Variants in SLC24A3 observed in about 807,000 individuals in gnomAD.
SLC24A3 encodes sodium/potassium/calcium exchanger 3.
Under a neutral mutation model 75.8 loss-of-function variants are expected in SLC24A3, and 28 were observed. That is an observed-to-expected ratio of 0.37 (90% CI 0.27 to 0.51). The LOEUF (loss-of-function observed/expected upper bound fraction) is 0.51. SLC24A3 is among the 20% of genes least tolerant of loss of function. The pLI, the probability that SLC24A3 is intolerant of heterozygous loss-of-function variation, is 0.94. For missense variants in SLC24A3, 663 were observed against 847.8 expected (o/e 0.78, Z 2.71); for synonymous variants, 372 against 334.1 (o/e 1.11, Z -1.24).
chr20:19,674,720 A>G (rs1272055193), intron 9 of SLC24A3, among the ~76,000 whole-genome samples: 2 of 152,234 alleles, frequency 1.3e-5, no homozygotes, highest in African/African-American at 4.8e-5. Context: ...ATGTTATGAC[A>G]TATGTTCTTT....
At chr20:19,448,219 C>G (rs995569636) in intron 2 of SLC24A3, among the ~76,000 whole-genome samples, 2 of 152,252 alleles carry the variant, frequency 1.3e-5, no homozygotes, top group East Asian at 3.9e-4. Flanking sequence ...AGACACAGTG[C>G]TGGACCCCAT....
chr20:19,720,878 G>C, intron 16 of SLC24A3, 113 bp from the exon 17 acceptor site: 1 of 1,216,270 alleles, frequency 8.2e-7, no homozygotes, highest in Non-Finnish European at 1.1e-6. Flanking sequence ...TCAGCACCCT[G>C]CCCGAGGCCC....
chr20:19,417,991 T>C (rs1986855546), intron 2 of SLC24A3, among the ~76,000 whole-genome samples: 1 of 152,178 alleles, frequency 6.6e-6, no homozygotes, highest in African/African-American at 2.4e-5. Context: ...ATGTTGACAT[T>C]GGAGGTCCCC....
intron 6 of SLC24A3, among the ~76,000 whole-genome samples, chr20:19,624,783 G>C (rs2122680016): frequency 6.6e-6 from 1 of 152,336 alleles, no homozygotes; most frequent in East Asian, 1.9e-4. Flanking sequence ...GAAGTGAGCA[G>C]GCAGTCAGTC....
chr20:19,606,052 G>A (rs2031593078), intron 6 of SLC24A3, among the ~76,000 whole-genome samples: 1 of 152,216 alleles, frequency 6.6e-6, no homozygotes, highest in Non-Finnish European at 1.5e-5. Context: ...GCCAGCATGA[G>A]CAGCAAAGCA....
chr20:19,222,406 CTTG>C (rs1434206779), intron 1 of SLC24A3, among the ~76,000 whole-genome samples: 3 of 152,082 alleles, frequency 2.0e-5, no homozygotes, highest in African/African-American at 7.2e-5. Context: ...AAAGGAGGGT[CTTG>C]TTGATTGTAT....
intron 2 of SLC24A3, among the ~76,000 whole-genome samples, chr20:19,428,602 G>A (rs1987051747): frequency 6.6e-6 from 1 of 152,244 alleles, no homozygotes. Context: ...AATTGCTCAT[G>A]TGAGTTCTCT....
At chr20:19,637,442 T>C (rs1306593180) in intron 6 of SLC24A3, among the ~76,000 whole-genome samples, 2 of 152,264 alleles carry the variant, frequency 1.3e-5, no homozygotes, top group Non-Finnish European at 2.9e-5. Context: ...TTTTTAAAGA[T>C]GATGTTTCAG....
intron 2 of SLC24A3, among the ~76,000 whole-genome samples, chr20:19,319,999 C>G (rs1568588074): frequency 6.6e-6 from 1 of 152,206 alleles, no homozygotes; most frequent in East Asian, 1.9e-4. Flanking sequence ...TAGACCTGCT[C>G]TACTTCTCAG....
At chr20:19,581,833 G>A (rs1472420298) in intron 4 of SLC24A3, among the ~76,000 whole-genome samples, 2 of 152,194 alleles carry the variant, frequency 1.3e-5, no homozygotes, top group Non-Finnish European at 2.9e-5. Context: ...AGACGAGCCT[G>A]GACCAGGTCA....
chr20:19,688,764 A>C (rs1394651225), intron 12 of SLC24A3, among the ~76,000 whole-genome samples: 1 of 152,244 alleles, frequency 6.6e-6, no homozygotes, highest in Non-Finnish European at 1.5e-5. Flanking sequence ...TTACCAAGAA[A>C]GTAATTATTT....
chr20:19,681,960 C>T lies in SLC24A3; in HGVS notation c.870C>T (p.Asn290=). Reference sequence around the variant, plus strand: ...ATGCTGAAATTGATGACAGCAGCAACTGCGACGCAACTGTGGTGCTACTTA... The same window carrying T: ...ATGCTGAAATTGATGACAGCAGCAATTGCGACGCAACTGTGGTGCTACTTA... ...ANNAEIDDSS[N]CDATVVLLKK... is the part of the protein sequence containing the mutation. Residue 290 remains asparagine (N), a synonymous_variant, in exon 10 of 17, where the codon AAC becomes AAT. Transcript: ENST00000328041. 6.2e-7 allele frequency: 1 copy of T among 1,614,216 alleles called. No individual in the cohort carries two copies. The highest frequency in any genetic ancestry group is 2.2e-5 in the East Asian group (1 of 44,878).
intron 7 of SLC24A3, among the ~76,000 whole-genome samples, chr20:19,664,843 C>A (rs1419789360): frequency 6.6e-6 from 1 of 152,194 alleles, no homozygotes; most frequent in East Asian, 1.9e-4. Context: ...TAGGTGTACT[C>A]ATTTGGTTTC....
At chr20:19,220,896 G>A (rs1981690843) in intron 1 of SLC24A3, among the ~76,000 whole-genome samples, 1 of 152,156 alleles carries the variant, frequency 6.6e-6, no homozygotes, top group Non-Finnish European at 1.5e-5. Flanking sequence ...AAGGGTTAAA[G>A]GTTATTCTTT....
At chr20:19,359,639 G>C (rs1985751251) in intron 2 of SLC24A3, among the ~76,000 whole-genome samples, 1 of 152,210 alleles carries the variant, frequency 6.6e-6, no homozygotes, top group African/African-American at 2.4e-5. Context: ...CCCAGCCCCA[G>C]GTGCCTCAGC....
rs151090295 is a variant in SLC24A3 at position 19,445,365 on chromosome 20, T to C, written c.272-70123T>C. ...ATAATAAAAGATAGTAGCAGCAGAATTCATAGATATCTGGGCCAGAATGCA... is the reference window on the plus strand; with the variant it reads ...ATAATAAAAGATAGTAGCAGCAGAACTCATAGATATCTGGGCCAGAATGCA... On this transcript the variant is annotated intron_variant, in intron 2 of 16. Transcript: ENST00000328041. 1.5e-4 allele frequency among the ~76,000 whole-genome samples: 23 copies of C among 152,316 alleles called. No homozygotes were observed. In the East Asian group the frequency reaches 4.2e-3, roughly 28 times the overall value.
rs986671853 is a variant in SLC24A3 at position 19,212,795 on chromosome 20, G to C, written c.-48G>C. The C allele has an allele frequency of 7.2e-6, 7 of 978,840 alleles. No homozygotes were observed. The highest frequency in any genetic ancestry group is 9.2e-5 in the South Asian group (2 of 21,796). 60.6% of individuals were successfully genotyped at this position (978,840 alleles called of 1,614,324 possible). On this transcript the variant is annotated 5_prime_UTR_variant, in exon 1 of 17. Transcript: ENST00000328041. Reference sequence around the variant, plus strand: ...CGCTGTCCCCGCCGCGGCCGCCCGCGACAGGAGCGGCCGCCGCCCGCCGAG... The same window carrying C: ...CGCTGTCCCCGCCGCGGCCGCCCGCCACAGGAGCGGCCGCCGCCCGCCGAG...
At chr20:19,382,978 AG>A (rs1350394645) in intron 2 of SLC24A3, among the ~76,000 whole-genome samples, 1 of 152,212 alleles carries the variant, frequency 6.6e-6, no homozygotes, top group Non-Finnish European at 1.5e-5. Flanking sequence ...CATTTTTGAC[AG>A]AGGCTTCTGT....
chr20:19,228,175 A>G (rs13039444), intron 1 of SLC24A3, among the ~76,000 whole-genome samples: 4,650 of 152,310 alleles, frequency 0.031, 91 homozygotes, highest in Non-Finnish European at 0.044. Context: ...CTGAAAATAA[A>G]CTTATTCTAT....
Sources: gnomAD v4.1 joint callset for allele counts (sites outside exome capture counted in the v4.1 genomes callset) on GRCh38, gnomAD v4.1.1 for gene constraint, MANE v1.5 for transcripts, NCBI Gene and HGNC (gene_info 2026-07-23, HGNC 2026-07-21) for gene names.